Variants in SGCG observed in about 807,000 individuals in gnomAD.
SGCG encodes the protein gamma-sarcoglycan.
A neutral mutation model predicts 29.3 loss-of-function variants in SGCG; 26 were observed. The ratio of observed to expected loss-of-function variants is 0.89; its 90% confidence interval spans 0.65 to 1.23. The LOEUF is 1.23. Among genes scored for constraint, SGCG ranks in the 50% most tolerant of loss-of-function variants. The pLI is 0.00. For synonymous variants in SGCG, 145 were observed against 129.7 expected, an observed-to-expected ratio of 1.12 and a Z score of -0.80; for missense variants, 353 against 356.0, an observed-to-expected ratio of 0.99 and a Z score of 0.07.
intron 4 of SGCG, among the ~76,000 whole-genome samples, chr13:23,259,258 T>G (rs962425407): frequency 7.9e-5 from 12 of 152,222 alleles, no homozygotes; most frequent in Non-Finnish European, 1.8e-4. Context: ...AACTTCTTCC[T>G]GGTTTAGTCT....
chr13:23,214,297 C>T (rs1878344757), intron 2 of SGCG, among the ~76,000 whole-genome samples: 1 of 152,226 alleles, frequency 6.6e-6, no homozygotes, highest in Non-Finnish European at 1.5e-5. Context: ...TGAGACTGAG[C>T]TCCCATCTCC....
At chr13:23,167,595 T>A in the SGCG span, among the ~76,000 whole-genome samples, 2 of 152,248 alleles carry the variant, frequency 1.3e-5, no homozygotes, top group Non-Finnish European at 2.9e-5. Flanking sequence ...TAAGCCATTT[T>A]AGCTGGGGTG....
Position 23,324,507 on chromosome 13 carries a change from C to T in SGCG, c.842C>T (p.Thr281Ile). 6.2e-7 allele frequency: 1 copy of T among 1,613,004 alleles called. No individual in the cohort carries two copies. Among genetic ancestry groups the T allele is most frequent in the Non-Finnish European group, 8.5e-7 (1 of 1,180,014 alleles). The change falls in exon 8 of 8, where the codon ACC (threonine) becomes ATC (isoleucine). Residue 281 changes from threonine (T) to isoleucine (I), a missense_variant. Thr to Ile is a moderately conservative substitution (Grantham distance 89, BLOSUM62 -1). Transcript: ENST00000218867. ...KLYLSVAGVS[T>I]TCQEHNHICL ...TACCTGTCTGTGGCCGGTGTGAGCA[C>T]CACGTGCCAGGAGCACAACCACATC...
At chr13:23,253,907 T>C (rs1036456898) in intron 4 of SGCG, among the ~76,000 whole-genome samples, 2 of 152,194 alleles carry the variant, frequency 1.3e-5, no homozygotes, top group African/African-American at 4.8e-5. Context: ...TGCTCCTTCT[T>C]TGCCTTCTGG....
upstream of SGCG, among the ~76,000 whole-genome samples, chr13:23,180,252 C>T (rs1451846276): frequency 6.6e-6 from 1 of 152,116 alleles, no homozygotes; most frequent in Non-Finnish European, 1.5e-5. Flanking sequence ...GTTGTCTTTA[C>T]ACCTTATAAA....
upstream of SGCG, among the ~76,000 whole-genome samples, chr13:23,179,778 GGTA>G (rs1455250993): frequency 3.3e-5 from 5 of 152,226 alleles, no homozygotes; most frequent in Non-Finnish European, 7.4e-5. Flanking sequence ...AAGAAATTAT[GGTA>G]GAGTATAAAT....
the SGCG span, among the ~76,000 whole-genome samples, chr13:23,175,623 G>A: frequency 6.6e-6 from 1 of 151,774 alleles, no homozygotes. Flanking sequence ...TTTTCTTTTA[G>A]CCTTTCTTAC....
chr13:23,207,812 G>A (rs1012140417), intron 2 of SGCG, among the ~76,000 whole-genome samples: 3 of 152,088 alleles, frequency 2.0e-5, no homozygotes, highest in African/African-American at 7.2e-5. Context: ...ATACTGGCGA[G>A]GGTGTGGTGA....
At chr13:23,245,552 A>G (rs896761033) in intron 3 of SGCG, 1 of 152,252 alleles carries the variant, frequency 6.6e-6, no homozygotes, top group Non-Finnish European at 1.5e-5. Context: ...AGAAAGAGTC[A>G]GCCCCAGAGA....
Position 23,324,315 on chromosome 13 carries a change from C to T in SGCG, c.703-53C>T, listed in dbSNP as rs9510700. ...ATCTTGTGAGAATGGGGATTTGCTG[C>T]TGACCAGGGTGGCCCTTCCTTAACT... On this transcript the variant is annotated intron_variant, in intron 7 of 7. Coordinates refer to ENST00000218867, the MANE Select transcript of SGCG (RefSeq NM_000231.3). 1,289,122 of 1,548,004 alleles carry T rather than the reference C, an allele frequency of 0.83. 539,143 individuals are homozygous for T. The highest frequency in any genetic ancestry group is 0.87 in the Admixed American group (52,000 of 59,858).
At chr13:23,254,820 G>C (rs1296480989) in intron 4 of SGCG, among the ~76,000 whole-genome samples, 1 of 152,162 alleles carries the variant, frequency 6.6e-6, no homozygotes, top group Non-Finnish European at 1.5e-5. Context: ...GTGCCTCAAA[G>C]GGCCCCAGAT....
intron 5 of SGCG, among the ~76,000 whole-genome samples, chr13:23,288,201 T>TG (rs1881573370): frequency 6.6e-6 from 1 of 152,164 alleles, no homozygotes; most frequent in Non-Finnish European, 1.5e-5. Flanking sequence ...AACGCAACAG[T>TG]AGTTGACAGC....
chr13:23,265,301 G>T (rs80140153), intron 4 of SGCG, among the ~76,000 whole-genome samples: 1 of 152,234 alleles, frequency 6.6e-6, no homozygotes, highest in African/African-American at 2.4e-5. Context: ...CAAAGGGGCC[G>T]GGCACAGTGG....
chr13:23,255,828 C>G (rs2137577283), intron 4 of SGCG, among the ~76,000 whole-genome samples: 1 of 152,208 alleles, frequency 6.6e-6, no homozygotes, highest in East Asian at 1.9e-4. Context: ...GAACTTGCTT[C>G]CAAGAAACAA....
At chr13:23,227,042 T>C (rs1878925924) in intron 2 of SGCG, among the ~76,000 whole-genome samples, 1 of 152,136 alleles carries the variant, frequency 6.6e-6, no homozygotes, top group Non-Finnish European at 1.5e-5. Context: ...TTTAGAATAA[T>C]GTAGAAAAAG....
rs1392354170 is a variant in SGCG, at chr13:23,299,429, T to C, written c.578+3942T>C. Among the ~76,000 whole-genome samples, 32 of 14,246 alleles carry C rather than the reference T, an allele frequency of 2.2e-3. 1 individual carries two copies. Among genetic ancestry groups the C allele is most frequent in the Non-Finnish European group, 4.2e-3 (22 of 5,230 alleles). 9.3% of individuals were successfully genotyped at this position (14,246 alleles called of 152,430 possible). On this transcript the variant is annotated intron_variant, in intron 6 of 7. Coordinates refer to ENST00000218867, the MANE Select transcript of SGCG (RefSeq NM_000231.3). ...TGGCATATATATATATATATATATA[T>C]ATATATATATATATATATATATATA...
At chr13:23,192,130 G>C (rs12866738) in intron 1 of SGCG, among the ~76,000 whole-genome samples, 3 of 148,330 alleles carry the variant, frequency 2.0e-5, no homozygotes, top group Non-Finnish European at 3.0e-5. Context: ...AGCCGAGATC[G>C]CGCCATTGCA....
At chr13:23,178,756 C>T (rs947268820), upstream of SGCG, among the ~76,000 whole-genome samples, 5 of 152,062 alleles carry the variant, frequency 3.3e-5, no homozygotes, top group African/African-American at 1.2e-4. Flanking sequence ...ATGATTTCTC[C>T]AAAACTGACG....
intron 2 of SGCG, among the ~76,000 whole-genome samples, chr13:23,231,329 C>T (rs1035726732): frequency 9.6e-5 from 14 of 145,486 alleles, no homozygotes; most frequent in Non-Finnish European, 7.6e-5. Context: ...CCCTCTTTCT[C>T]TTTTTTTTTT....
Sources: allele counts gnomAD v4.1 joint callset (sites outside exome capture counted in the v4.1 genomes callset), GRCh38; gene constraint gnomAD v4.1.1; transcripts MANE v1.5; gene names NCBI Gene and HGNC (gene_info 2026-07-23, HGNC 2026-07-21).